PLXNB1: variants seen among roughly 807,000 people sequenced by gnomAD.
The protein encoded by PLXNB1 is plexin-B1.
In PLXNB1, 106 loss-of-function variants were observed where a neutral mutation model predicts 209.4. The observed-to-expected ratio is 0.51, with a 90% CI of 0.43 to 0.59. PLXNB1 has a LOEUF of 0.59. PLXNB1 is among the 20% of genes least tolerant of loss of function. The pLI, the probability that PLXNB1 is intolerant of heterozygous loss-of-function variation, is 0.00. For synonymous variants in PLXNB1, 1,167 were observed against 1,183.2 expected (o/e 0.99, Z 0.28); for missense variants, 2,357 against 2,853.2 (o/e 0.83, Z 3.96).
rs372856635 is a variant in PLXNB1 at position 48,415,568 on chromosome 3, C to T, written c.3794+15G>A. ...CCCTGCCACCTGCCATGCAGCCACA[C>T]CCCTGGCCCAACACCTGAGGAAGCT... is the stretch of plus-strand genomic sequence containing the variant. On this transcript the variant is annotated intron_variant, in intron 19 of 37. Transcript: ENST00000296440. The surrounding 1 kb of genome is among the most constrained non-coding windows in gnomAD (Gnocchi z 5.0). 37 of 1,560,092 alleles carry T rather than the reference C, an allele frequency of 2.4e-5. No homozygotes were observed. The African/African-American group carries it at 5.0e-4, about 21-fold the overall frequency.
At chr3:48,428,462 T>C (rs1232960423) in intron 1 of PLXNB1, among the ~76,000 whole-genome samples, 1 of 152,122 alleles carries the variant, frequency 6.6e-6, no homozygotes, top group Non-Finnish European at 1.5e-5. Context: ...ACTGCCCAAC[T>C]TCTGTCTGTA....
chr3:48,422,264 G>A, intron 5 of PLXNB1, 59 bp from the exon 6 acceptor site: 5 of 1,610,900 alleles, frequency 3.1e-6, no homozygotes, highest in Non-Finnish European at 4.2e-6. Flanking sequence ...TCACCCACAA[G>A]TGGGTCCCTG....
In PLXNB1 at chr3:48,418,876, T is replaced by C. The variant is rs1409356973; in HGVS notation, c.2955+41A>G. On this transcript the variant is annotated intron_variant, in intron 13 of 37. Transcript: ENST00000296440. The surrounding 1 kb of genome is among the most constrained non-coding windows in gnomAD (Gnocchi z 6.6). ...CAGTTGGCAGCCAGCCTGTGGCCAG[T>C]GCAGTGCACCCGTGCCCACCCAGGC... 1 of 1,611,848 alleles carries C rather than the reference T, an allele frequency of 6.2e-7. No homozygotes were observed. The highest frequency in any genetic ancestry group is 8.5e-7 in the Non-Finnish European group (1 of 1,179,090).
intron 37 of PLXNB1, 95 bp from the exon 38 acceptor site, chr3:48,404,685 G>C (rs186615920): frequency 2.6e-6 from 2 of 777,298 alleles, no homozygotes; most frequent in Non-Finnish European, 4.1e-6. Flanking sequence ...TGGCATGAGT[G>C]GGGTAGGAGG....
Position 48,415,128 on chromosome 3 carries a change from G to A in PLXNB1, c.3966+48C>T, listed in dbSNP as rs1484958689. On this transcript the variant is annotated intron_variant, in intron 20 of 37. Coordinates refer to ENST00000296440, the MANE Select transcript of PLXNB1 (RefSeq NM_001130082.3). This position sits in a 1 kb window ranked among gnomAD's most constrained non-coding sequence, Gnocchi z 5.0. ...CACCTGCTCTGGCTGTCCCCAGGGT[G>A]TGGTATGGGGCAAGGGGAGAGTGTG... is the stretch of plus-strand genomic sequence containing the variant. 2.5e-6 allele frequency: 4 copies of A among 1,606,270 alleles called. No homozygotes were observed. The highest frequency in any genetic ancestry group is 2.2e-5 in the East Asian group (1 of 44,696).
In PLXNB1 at chr3:48,415,200, A is replaced by G; in HGVS notation, c.3942T>C (p.Leu1314=). 2 of 1,613,378 alleles carry G rather than the reference A, an allele frequency of 1.2e-6. No individual in the cohort carries two copies. ...CTTGCTGGCTACTGCAGGAGGGTCC[A>G]AGGGAACATGCCGTCTCCGGGACCA... The part of the protein sequence containing the change: ...RRVVPETACS[L]GPSCSSQQFE... The change falls in exon 20 of 38, where the codon CTT becomes CTC. Residue 1314 remains leucine (L), a synonymous_variant. Coordinates refer to ENST00000296440, the MANE Select transcript of PLXNB1 (RefSeq NM_001130082.3). The surrounding 1 kb of genome is among the most constrained non-coding windows in gnomAD (Gnocchi z 5.0).
At position 48,419,238 on chromosome 3, in the gene PLXNB1, A is replaced by T; in HGVS notation, c.2832+6T>A. The T allele has an allele frequency of 6.4e-7, 1 of 1,562,564 alleles. No individual in the cohort carries two copies. The highest frequency in any genetic ancestry group is 1.4e-5 in the African/African-American group (1 of 73,772). On this transcript the variant is annotated splice_donor_region_variant and intron_variant, in intron 12 of 37. Coordinates refer to ENST00000296440, the MANE Select transcript of PLXNB1 (RefSeq NM_001130082.3). The surrounding 1 kb of genome is among the most constrained non-coding windows in gnomAD (Gnocchi z 5.7). Reference sequence around the variant, plus strand: ...GCAAGGACAGCGGCAGGCAGGACACACTGACCTGGAAAAGGTGCAGGTTCC... The same window carrying T: ...GCAAGGACAGCGGCAGGCAGGACACTCTGACCTGGAAAAGGTGCAGGTTCC...
In PLXNB1 at chr3:48,414,822, G is replaced by C. The variant is rs199795107; in HGVS notation, c.4186C>G (p.Pro1396Ala). The C allele has an allele frequency of 1.2e-5, 19 of 1,613,922 alleles. No individual in the cohort carries two copies. The highest frequency in any genetic ancestry group is 1.4e-5 in the Non-Finnish European group (16 of 1,180,008). The change falls in exon 21 of 38, where the codon CCT (proline) becomes GCT (alanine). Residue 1396 changes from proline to alanine, a missense_variant. Pro to Ala is a conservative substitution (Grantham distance 27, BLOSUM62 -1). Coordinates refer to ENST00000296440, the MANE Select transcript of PLXNB1 (RefSeq NM_001130082.3). ...EDPTMPFRHK[P>A]GSVFSVEGEN... ...ACCTCCACGGAGAACACACTCCCAGGCTTGTGCCGGAATGGCATGGTGGGG... is the reference window on the plus strand; with the variant it reads ...ACCTCCACGGAGAACACACTCCCAGCCTTGTGCCGGAATGGCATGGTGGGG...
intron 34 of PLXNB1, among the ~76,000 whole-genome samples, chr3:48,408,679 C>T (rs1053456774): frequency 2.0e-5 from 3 of 152,146 alleles, no homozygotes; most frequent in African/African-American, 7.2e-5. Flanking sequence ...TAAACCCAAT[C>T]AGCAGCCCAG....
rs150880717 is a variant in PLXNB1 at position 48,410,616 on chromosome 3, G to A, written c.5417-58C>T. 1,246 of 1,406,928 alleles carry A rather than the reference G, an allele frequency of 8.9e-4. 10 individuals carry two copies. In the African/African-American group the frequency reaches 0.016, roughly 18 times the overall value. The allele number at this position is 1,406,928 out of a possible 1,614,324, so 87.2% of individuals were successfully genotyped here. A position where few individuals can be genotyped will look rare whatever the true frequency, so the allele number is the denominator to read the frequency against. ...TGGAAGATACCCTTCCCATAGTGGA[G>A]CCCATCTCCTCCTCCACAGGGACAC... On this transcript the variant is annotated intron_variant, in intron 29 of 37. Coordinates refer to ENST00000296440, the MANE Select transcript of PLXNB1 (RefSeq NM_001130082.3). The surrounding 1 kb of genome is among the most constrained non-coding windows in gnomAD (Gnocchi z 6.4).
chr3:48,405,908 G>A lies in PLXNB1; in HGVS notation c.6229-110C>T, dbSNP rs2106712745. 1.2e-6 allele frequency: 1 copy of A among 819,120 alleles called. No homozygotes were observed. The highest frequency in any genetic ancestry group is 2.6e-5 in the East Asian group (1 of 38,202). 50.7% of individuals were successfully genotyped at this position (819,120 alleles called of 1,614,324 possible). On this transcript the variant is annotated intron_variant, in intron 36 of 37. Coordinates refer to ENST00000296440, the MANE Select transcript of PLXNB1 (RefSeq NM_001130082.3). This position sits in a 1 kb window ranked among gnomAD's most constrained non-coding sequence, Gnocchi z 5.0. ...GGGGGAGAAGGGGACCTGAGAGGTA[G>A]AGAATGGGATGGGCACTACAGTGGG...
rs2037692571 is a variant in PLXNB1 at position 48,411,675 on chromosome 3, T to C, written c.5247+188A>G. Among the ~76,000 whole-genome samples, 1 of 152,162 alleles carries C rather than the reference T, an allele frequency of 6.6e-6. No individual in the cohort carries two copies. The highest frequency in any genetic ancestry group is 2.4e-5 in the African/African-American group (1 of 41,428). ...GCACATAGAGGCCTTATCATCAAAGTCTGCCCTAAACTGCTATCCTGCTAA... is the reference window on the plus strand; with the variant it reads ...GCACATAGAGGCCTTATCATCAAAGCCTGCCCTAAACTGCTATCCTGCTAA... On this transcript the variant is annotated intron_variant, in intron 28 of 37. Transcript: ENST00000296440. This position sits in a 1 kb window ranked among gnomAD's most constrained non-coding sequence, Gnocchi z 4.0.
In PLXNB1 at chr3:48,423,939, C is replaced by T; in HGVS notation, c.673G>A (p.Gly225Arg). ...AGGAACAGGAAGTAGGCGCTGGCCCCACGTGCAAAGGCACTCACGAAGTGG... is the reference window on the plus strand; with the variant it reads ...AGGAACAGGAAGTAGGCGCTGGCCCTACGTGCAAAGGCACTCACGAAGTGG... ...SHHFVSAFAR[G>R]ASAYFLFLRR... The change falls in exon 3 of 38, where the codon GGG becomes AGG. Residue 225 changes from glycine to arginine, a missense_variant. Around this residue, in one of 7 missense-constraint regions of PLXNB1, gnomAD observed 404 missense variants for 443.6 expected, o/e 0.91. Transcript: ENST00000296440. 6.2e-7 allele frequency: 1 copy of T among 1,614,142 alleles called. No homozygotes were observed. The highest frequency in any genetic ancestry group is 8.5e-7 in the Non-Finnish European group (1 of 1,180,030).
In PLXNB1 at chr3:48,415,645, T is replaced by C; in HGVS notation, c.3732A>G (p.Gly1244=). ...FGATERRLQR[G]QFKYTLDPNI... ...TGGGGTCCAAGGTATACTTGAACTG[T>C]CCGCGTTGAAGCCTCCGCTCCGTGG... The change falls in exon 19 of 38, where the codon GGA becomes GGG. Residue 1244 remains glycine, a synonymous_variant. Coordinates refer to ENST00000296440, the MANE Select transcript of PLXNB1 (RefSeq NM_001130082.3). This position sits in a 1 kb window ranked among gnomAD's most constrained non-coding sequence, Gnocchi z 5.0. 1 of 1,579,404 alleles carries C rather than the reference T, an allele frequency of 6.3e-7. No individual in the cohort carries two copies. The highest frequency in any genetic ancestry group is 1.2e-5 in the South Asian group (1 of 86,296).
chr3:48,405,110 CAAGCCCCGTGCCATGGCCCACACCATG>C lies in PLXNB1; in HGVS notation c.6304-547_6304-521del, dbSNP rs1158182045. Reference sequence around the variant, plus strand: ...TGCCTGCATCACACCCTGCCTCCCCCAAGCCCCGTGCCATGGCCCACACCATGCCGAGGAAGGCTGTGGGCCATGAGA... The same window carrying C: ...TGCCTGCATCACACCCTGCCTCCCCCCCGAGGAAGGCTGTGGGCCATGAGA... On this transcript the variant is annotated intron_variant, in intron 37 of 37. Coordinates refer to ENST00000296440, the MANE Select transcript of PLXNB1 (RefSeq NM_001130082.3). The surrounding 1 kb of genome is among the most constrained non-coding windows in gnomAD (Gnocchi z 5.0). Among the ~76,000 whole-genome samples the C allele has an allele frequency of 6.6e-6, 1 of 152,230 alleles. No homozygotes were observed. The highest frequency in any genetic ancestry group is 2.4e-5 in the African/African-American group (1 of 41,460).
Position 48,424,057 on chromosome 3 carries a change from T to A in PLXNB1, c.555A>T (p.Thr185=), listed in dbSNP as rs779891862. 6.3e-7 allele frequency: 1 copy of A among 1,588,834 alleles called. No individual in the cohort carries two copies. Residue 185 remains threonine (T), a synonymous_variant, in exon 3 of 38, where the codon ACA becomes ACT. Coordinates refer to ENST00000296440, the MANE Select transcript of PLXNB1 (RefSeq NM_001130082.3). ...RGVGGGIPPI[T]TRALWPPDPQ... is the part of the protein sequence containing the mutation. The stretch of plus-strand genomic sequence containing the variant: ...GGTCGGGCGGCCACAGGGCCCGGGT[T>A]GTGATGGGTGGAATGCCACCCCCCA...
At position 48,422,608 on chromosome 3, in the gene PLXNB1, G is replaced by A. The variant is rs560854139; in HGVS notation, c.1291-149C>T. On this transcript the variant is annotated intron_variant, in intron 4 of 37. Transcript: ENST00000296440. ...ACCAACTGGCCTAGCGGGGATGGAGGAAAGTCACAGGTAAACACCACCCAG... is the reference window on the plus strand; with the variant it reads ...ACCAACTGGCCTAGCGGGGATGGAGAAAAGTCACAGGTAAACACCACCCAG... 46 of 1,252,116 alleles carry A rather than the reference G, an allele frequency of 3.7e-5. No homozygotes were observed. In the East Asian group the frequency reaches 1.1e-3, roughly 31 times the overall value. 77.6% of individuals were successfully genotyped at this position (1,252,116 alleles called of 1,614,324 possible).
chr3:48,405,795 AGTT>A lies in PLXNB1; in HGVS notation c.6229_6231del (p.Asn2077del), dbSNP rs1458486457. 6.2e-7 allele frequency: 1 copy of A among 1,613,002 alleles called. No individual in the cohort carries two copies. The highest frequency in any genetic ancestry group is 8.5e-7 in the Non-Finnish European group (1 of 1,179,454). On this transcript the variant is annotated inframe_deletion and splice_region_variant, in exon 37 of 38. Coordinates refer to ENST00000296440, the MANE Select transcript of PLXNB1 (RefSeq NM_001130082.3). This position sits in a 1 kb window ranked among gnomAD's most constrained non-coding sequence, Gnocchi z 5.0. ...ACTCGCGCCCCGAGGTCTCCGGAGT[AGTT>A]CTAGGGAAGAGGCCAAATGAAAGGT...
chr3:48,421,214 A>G lies in PLXNB1; in HGVS notation c.1810+14T>C. 1 of 1,611,812 alleles carries G rather than the reference A, an allele frequency of 6.2e-7. No homozygotes were observed. Among genetic ancestry groups the G allele is most frequent in the Non-Finnish European group, 8.5e-7 (1 of 1,179,140 alleles). On this transcript the variant is annotated intron_variant, in intron 8 of 37. Coordinates refer to ENST00000296440, the MANE Select transcript of PLXNB1 (RefSeq NM_001130082.3). ...GGGCTGGCCCCCACCAGGCTGGCCC[A>G]TTCTCTCACCCACCGGCTCCTCTCG...
Sources: gnomAD v4.1 joint callset for allele counts (sites outside exome capture counted in the v4.1 genomes callset) on GRCh38, gnomAD v4.1.1 for gene constraint, gnomAD v4.1.1 regional missense constraint, Gnocchi (gnomAD v3.1) non-coding constraint, MANE v1.5 for transcripts, NCBI Gene and HGNC (gene_info 2026-07-23, HGNC 2026-07-21) for gene names.